The following LIN54 variants were observed in gnomAD, a reference collection of about 807,000 sequenced individuals.
The protein encoded by LIN54 is protein lin-54 homolog.
A neutral mutation model predicts 78.7 loss-of-function variants in LIN54; 9 were observed. That is an observed-to-expected ratio of 0.11 (90% CI 0.07 to 0.20). LIN54 has a LOEUF of 0.20. Ranked by LOEUF, LIN54 falls within the 10% of genes least tolerant of loss-of-function variation. LIN54 has a pLI of 1.00. For missense variants in LIN54, 573 were observed against 889.9 expected (o/e 0.64, Z 4.53); for synonymous variants, 269 against 318.4 (o/e 0.84, Z 1.65).
In LIN54 at chr4:82,984,890, T is replaced by C. The variant is rs763171418; in HGVS notation, c.-32-14A>G. The C allele has an allele frequency of 6.6e-7, 1 of 1,509,662 alleles. No individual in the cohort carries two copies. The highest frequency in any genetic ancestry group is 2.2e-5 in the Admixed American group (1 of 45,898). The allele number at this position is 1,509,662 out of a possible 1,614,324, so 93.5% of individuals were successfully genotyped here. ...GTTGATCAGGCACTGTAATAAAAGT[T>C]GAAAAATGAACAAGTTACTAGGTTT... On this transcript the variant is annotated splice_polypyrimidine_tract_variant and intron_variant, in intron 1 of 12. Coordinates refer to ENST00000340417, the MANE Select transcript of LIN54 (RefSeq NM_194282.4).
chr4:82,947,569 G>A (rs1723508804), intron 4 of LIN54, among the ~76,000 whole-genome samples: 1 of 151,922 alleles, frequency 6.6e-6, no homozygotes, highest in South Asian at 2.1e-4. Context: ...TGATTAAAAT[G>A]ATTTAATTAT....
chr4:82,979,019 A>C lies in LIN54; in HGVS notation c.685-13T>G, dbSNP rs1337897011. On this transcript the variant is annotated splice_polypyrimidine_tract_variant and intron_variant, in intron 2 of 12. Coordinates refer to ENST00000340417, the MANE Select transcript of LIN54 (RefSeq NM_194282.4). ...GCTTCTTAGCAATCTGAAACATATA[A>C]ATAACTATGAAGACCATCTGTTTCT... 17 of 1,549,672 alleles carry C rather than the reference A, an allele frequency of 1.1e-5. No individual in the cohort carries two copies. The highest frequency in any genetic ancestry group is 1.5e-5 in the Non-Finnish European group (17 of 1,137,366).
intron 4 of LIN54, 58 bp downstream of exon 4, chr4:82,970,269 A>G: frequency 6.6e-6 from 10 of 1,512,726 alleles, no homozygotes; most frequent in Non-Finnish European, 9.0e-6. Context: ...AGTGACTAGT[A>G]AGAAAATAAA....
At chr4:82,954,491 C>G (rs28610150) in intron 4 of LIN54, among the ~76,000 whole-genome samples, 42,834 of 151,652 alleles carry the variant, frequency 0.28, 6,506 homozygotes, top group East Asian at 0.52. Flanking sequence ...GATCTTGGCT[C>G]ACTGCAACCT....
At chr4:82,979,405 T>C (rs1560768189) in intron 2 of LIN54, among the ~76,000 whole-genome samples, 2 of 152,152 alleles carry the variant, frequency 1.3e-5, no homozygotes, top group Non-Finnish European at 1.5e-5. Flanking sequence ...AAGCCACCTA[T>C]ATACACAATT....
chr4:82,964,869 G>A (rs1725078168), intron 4 of LIN54, among the ~76,000 whole-genome samples: 1 of 151,994 alleles, frequency 6.6e-6, no homozygotes, highest in Non-Finnish European at 1.5e-5. Context: ...TAAATTAGCC[G>A]GGCATGGTGG....
intron 5 of LIN54, among the ~76,000 whole-genome samples, chr4:82,945,622 T>G (rs1306256021): frequency 6.6e-6 from 1 of 152,006 alleles, no homozygotes; most frequent in Non-Finnish European, 1.5e-5. Flanking sequence ...GCCTCCCAAG[T>G]AGCTGGGACT....
At chr4:82,948,995 G>C (rs538562393) in intron 4 of LIN54, among the ~76,000 whole-genome samples, 2 of 152,272 alleles carry the variant, frequency 1.3e-5, no homozygotes, top group African/African-American at 4.8e-5. Flanking sequence ...GATATCCTCA[G>C]GAGGTGGTGA....
chr4:82,952,576 C>T (rs1723927452), intron 4 of LIN54, among the ~76,000 whole-genome samples: 1 of 152,090 alleles, frequency 6.6e-6, no homozygotes, highest in Non-Finnish European at 1.5e-5. Context: ...AACAGAATTA[C>T]CATATGATCC....
chr4:82,998,223 G>C (rs865875060), intron 1 of LIN54, among the ~76,000 whole-genome samples: 2 of 151,518 alleles, frequency 1.3e-5, no homozygotes, highest in African/African-American at 4.8e-5. Context: ...CATTACAGAT[G>C]AGCAAGTAAT....
At chr4:82,963,252 T>C (rs1724947512) in intron 4 of LIN54, among the ~76,000 whole-genome samples, 2 of 152,286 alleles carry the variant, frequency 1.3e-5, no homozygotes, top group South Asian at 4.1e-4. Context: ...TGAAAATATC[T>C]TTTAAAAATA....
chr4:82,972,158 G>C (rs1725715058), intron 3 of LIN54, among the ~76,000 whole-genome samples: 1 of 152,058 alleles, frequency 6.6e-6, no homozygotes, highest in South Asian at 2.1e-4. Context: ...GGGCTCAAAT[G>C]ATCCTCCCAT....
chr4:82,939,400 T>TG, intron 7 of LIN54, 139 bp downstream of exon 7: 1 of 719,858 alleles, frequency 1.4e-6, no homozygotes, highest in Admixed American at 2.2e-5. Flanking sequence ...CTTAAAGGTT[T>TG]GGGTTAACAT....
chr4:82,955,655 C>A (rs1724254778), intron 4 of LIN54, among the ~76,000 whole-genome samples: 1 of 151,708 alleles, frequency 6.6e-6, no homozygotes, highest in African/African-American at 2.4e-5. Flanking sequence ...CATGGTGGCT[C>A]ATGCCTGTAA....
At chr4:82,957,935 G>A (rs918568554) in intron 4 of LIN54, among the ~76,000 whole-genome samples, 1 of 152,086 alleles carries the variant, frequency 6.6e-6, no homozygotes, top group Non-Finnish European at 1.5e-5. Flanking sequence ...GTTAAAGAAG[G>A]AATACCAGGA....
chr4:82,994,139 G>A (rs902170727), intron 1 of LIN54, among the ~76,000 whole-genome samples: 10 of 151,900 alleles, frequency 6.6e-5, no homozygotes, highest in East Asian at 3.8e-4. Context: ...ATTTCAATAC[G>A]TTTTTATTAT....
intron 1 of LIN54, among the ~76,000 whole-genome samples, chr4:82,999,299 T>C (rs1387311728): frequency 6.6e-6 from 1 of 152,186 alleles, no homozygotes; most frequent in Admixed American, 6.5e-5. Context: ...GCTTGATAAG[T>C]ACTGTACATT....
Position 82,937,085 on chromosome 4 carries a change from T to A in LIN54, c.1604+142A>T, listed in dbSNP as rs141255690. 1.9e-3 allele frequency: 1,314 copies of A among 697,032 alleles called. 2 individuals are homozygous for A. The highest frequency in any genetic ancestry group is 2.9e-3 in the Admixed American group (131 of 45,022). The allele number at this position is 697,032 out of a possible 1,614,324, so 43.2% of individuals were successfully genotyped here. On this transcript the variant is annotated intron_variant, in intron 9 of 12. Transcript: ENST00000340417. ...AATAATATTTTTACACTGCCATATATGTTCAAACATTCATTTGTATGTTTA... is the reference window on the plus strand; with the variant it reads ...AATAATATTTTTACACTGCCATATAAGTTCAAACATTCATTTGTATGTTTA...
At chr4:83,009,494 T>C (rs925415526) in intron 1 of LIN54, among the ~76,000 whole-genome samples, 1 of 152,208 alleles carries the variant, frequency 6.6e-6, no homozygotes, top group Non-Finnish European at 1.5e-5. Context: ...AAAAATTTGA[T>C]TCACATGTAA....
Sources: gnomAD v4.1 joint callset for allele counts (sites outside exome capture counted in the v4.1 genomes callset) on GRCh38, gnomAD v4.1.1 for gene constraint, MANE v1.5 for transcripts, NCBI Gene and HGNC (gene_info 2026-07-23, HGNC 2026-07-21) for gene names.